Variants in CCDC126 observed in about 807,000 individuals in gnomAD.
The protein encoded by CCDC126 is coiled-coil domain containing 126.
In CCDC126, 5 loss-of-function variants were observed where a neutral mutation model predicts 11.7. That is an observed-to-expected ratio of 0.43 (90% confidence interval 0.22 to 0.90). The LOEUF is 0.90. Among genes scored for constraint, CCDC126 ranks in the 40% least tolerant of loss-of-function variants. The pLI is 0.27. For missense variants in CCDC126, 150 were observed against 163.1 expected, an observed-to-expected ratio of 0.92 and a Z score of 0.44; for synonymous variants, 60 against 61.9, an observed-to-expected ratio of 0.97 and a Z score of 0.14.
At chr7:23,626,196 G>A (rs1398019954) in intron 3 of CCDC126, among the ~76,000 whole-genome samples, 1 of 151,894 alleles carries the variant, frequency 6.6e-6, no homozygotes, top group East Asian at 1.9e-4. Context: ...TGGGACTTCT[G>A]GTGTAAGCAG....
chr7:23,639,801 CG>C (rs145234191), intron 3 of CCDC126, among the ~76,000 whole-genome samples: 8,156 of 152,236 alleles, frequency 0.054, 278 homozygotes, highest in Middle Eastern at 0.11. Flanking sequence ...ACGACCACTA[CG>C]GTAGTACTAC....
At chr7:23,600,023 G>A (rs1352315016) in intron 2 of CCDC126, among the ~76,000 whole-genome samples, 1 of 152,148 alleles carries the variant, frequency 6.6e-6, no homozygotes, top group East Asian at 1.9e-4. Context: ...GACCTCAAGT[G>A]ATCCGCCCTC....
At chr7:23,635,373 G>A (rs1400006398) in intron 3 of CCDC126, among the ~76,000 whole-genome samples, 1 of 152,194 alleles carries the variant, frequency 6.6e-6, no homozygotes, top group Non-Finnish European at 1.5e-5. Flanking sequence ...CTTACTGCTA[G>A]CACCTTCAGT....
chr7:23,623,666 C>T (rs1319657462), intron 3 of CCDC126, among the ~76,000 whole-genome samples: 1 of 151,354 alleles, frequency 6.6e-6, no homozygotes, highest in African/African-American at 2.4e-5. Flanking sequence ...ATGTTTTATA[C>T]TTTATTGAGT....
chr7:23,643,130 C>T lies in CCDC126; in HGVS notation c.*15C>T, dbSNP rs761560559. ...GTATCAGATAGCAGTTGAAAATCACCTTGTGCTGCTCCATCCACTGTGGAT... is the reference window on the plus strand; with the variant it reads ...GTATCAGATAGCAGTTGAAAATCACTTTGTGCTGCTCCATCCACTGTGGAT... On this transcript the variant is annotated 3_prime_UTR_variant, in exon 4 of 4. Transcript: ENST00000307471. The T allele has an allele frequency of 8.7e-6, 14 of 1,608,036 alleles. No homozygotes were observed. Among genetic ancestry groups the T allele is most frequent in the African/African-American group, 1.3e-5 (1 of 74,810 alleles).
chr7:23,637,977 C>T (rs1418384568), intron 3 of CCDC126, among the ~76,000 whole-genome samples: 3 of 127,078 alleles, frequency 2.4e-5, no homozygotes, highest in African/African-American at 5.7e-5. Flanking sequence ...GGGGGTCAGC[C>T]CCCCGCCCGG....
At chr7:23,640,991 G>T (rs1400770184) in intron 3 of CCDC126, among the ~76,000 whole-genome samples, 35 of 110,952 alleles carry the variant, frequency 3.2e-4, no homozygotes, top group African/African-American at 9.4e-4. Context: ...GAATCCTTTT[G>T]GTTTTTTTTT....
chr7:23,643,260 C>A lies in CCDC126; in HGVS notation c.*145C>A. 2.9e-6 allele frequency: 2 copies of A among 697,494 alleles called. No individual in the cohort carries two copies. Among genetic ancestry groups the A allele is most frequent in the South Asian group, 5.5e-5 (2 of 36,338 alleles). The allele number at this position is 697,494 out of a possible 1,614,324, so 43.2% of individuals were successfully genotyped here. On this transcript the variant is annotated 3_prime_UTR_variant, in exon 4 of 4. Coordinates refer to ENST00000307471, the MANE Select transcript of CCDC126 (RefSeq NM_138771.4). ...CAAGGAGTATGCTGGATTCATGGAA[C>A]TCTAATTCTGTACATAAAAATTTTA...
intron 3 of CCDC126, among the ~76,000 whole-genome samples, chr7:23,640,167 A>G (rs538636025): frequency 6.8e-6 from 1 of 146,802 alleles, no homozygotes; most frequent in South Asian, 2.2e-4. Context: ...TGGGTGACAG[A>G]GTGAGACTCC....
At chr7:23,632,368 T>C (rs1783131210) in intron 3 of CCDC126, among the ~76,000 whole-genome samples, 1 of 152,256 alleles carries the variant, frequency 6.6e-6, no homozygotes, top group Admixed American at 6.5e-5. Context: ...AGTGCTGGGA[T>C]TACAGGCATG....
chr7:23,611,672 A>G (rs1782713522), intron 3 of CCDC126, 119 bp downstream of exon 3: 3 of 690,056 alleles, frequency 4.3e-6, no homozygotes, highest in Non-Finnish European at 7.5e-6. Flanking sequence ...TTGACTTTTT[A>G]TTATGAAAAT....
intron 3 of CCDC126, among the ~76,000 whole-genome samples, chr7:23,636,088 G>C: frequency 1.3e-5 from 2 of 152,110 alleles, no homozygotes. Context: ...CTGGTCTCCA[G>C]CTCCTAACCG....
At chr7:23,628,723 C>T (rs1783055755) in intron 3 of CCDC126, among the ~76,000 whole-genome samples, 1 of 152,142 alleles carries the variant, frequency 6.6e-6, no homozygotes, top group Non-Finnish European at 1.5e-5. Flanking sequence ...AGGACTTTAC[C>T]TCCACATGGC....
At chr7:23,603,450 T>C (rs1782573989) in intron 2 of CCDC126, among the ~76,000 whole-genome samples, 1 of 152,218 alleles carries the variant, frequency 6.6e-6, no homozygotes, top group Admixed American at 6.5e-5. Flanking sequence ...TTATTCCGTA[T>C]TTACAAACAC....
chr7:23,623,783 C>G (rs954173124), intron 3 of CCDC126, among the ~76,000 whole-genome samples: 38 of 152,090 alleles, frequency 2.5e-4, no homozygotes, highest in African/African-American at 9.2e-4. Flanking sequence ...TGTTAACTAG[C>G]TTGATTTAAT....
intron 3 of CCDC126, among the ~76,000 whole-genome samples, chr7:23,615,546 G>C (rs1554270786): frequency 6.6e-6 from 1 of 152,230 alleles, no homozygotes; most frequent in South Asian, 2.1e-4. Context: ...ACAAGGCCTA[G>C]CTTTCAGCCT....
Position 23,608,012 on chromosome 7 carries a change from C to T in CCDC126, c.-145-3159C>T, listed in dbSNP as rs142949695. ...AGGAATTTATGCTGAGCAGGGTGGC[C>T]GAATATACATATTTAATAAGTTTAA... On this transcript the variant is annotated intron_variant, in intron 2 of 3. Coordinates refer to ENST00000307471, the MANE Select transcript of CCDC126 (RefSeq NM_138771.4). Among the ~76,000 whole-genome samples, 22 of 151,972 alleles carry T rather than the reference C, an allele frequency of 1.4e-4. No homozygotes were observed. The East Asian group carries it at 2.3e-3, about 16-fold the overall frequency.
intron 3 of CCDC126, among the ~76,000 whole-genome samples, chr7:23,625,544 T>A (rs919532170): frequency 5.3e-5 from 8 of 152,166 alleles, no homozygotes; most frequent in African/African-American, 1.7e-4. Flanking sequence ...AAGATTTTTT[T>A]AAATGTTTGT....
In CCDC126 at chr7:23,611,469, T is replaced by C; in HGVS notation, c.154T>C (p.Leu52=). The part of the protein sequence containing the change: ...SVKLREQILD[L]SKRYVKALAE... ...CAAGTTACGTGAGCAAATACTAGAC[T>C]TAAGCAAAAGATATGTTAAAGCTCT... is the stretch of plus-strand genomic sequence containing the variant. Residue 52 remains leucine (L), a synonymous_variant, in exon 3 of 4, where the codon TTA becomes CTA. Transcript: ENST00000307471. The C allele has an allele frequency of 6.2e-7, 1 of 1,614,042 alleles. No homozygotes were observed. The highest frequency in any genetic ancestry group is 8.5e-7 in the Non-Finnish European group (1 of 1,179,956).
Sources: allele counts gnomAD v4.1 joint callset (sites outside exome capture counted in the v4.1 genomes callset), GRCh38; gene constraint gnomAD v4.1.1; transcripts MANE v1.5; gene names NCBI Gene and HGNC (gene_info 2026-07-23, HGNC 2026-07-21).